ZHX3: variants seen among roughly 807,000 people sequenced by gnomAD.
ZHX3 encodes the protein zinc fingers and homeoboxes 3.
A neutral mutation model predicts 64.5 loss-of-function variants in ZHX3; 20 were observed. That is an observed-to-expected ratio of 0.31 (90% CI 0.22 to 0.45). The LOEUF is 0.45. ZHX3 is among the 20% of genes least tolerant of loss of function. The pLI, the probability that ZHX3 is intolerant of heterozygous loss-of-function variation, is 1.00. For missense variants in ZHX3, 1,041 were observed against 1,195.8 expected, an observed-to-expected ratio of 0.87 and a Z score of 1.91; for synonymous variants, 423 against 461.6, an observed-to-expected ratio of 0.92 and a Z score of 1.07.
intron 2 of ZHX3, among the ~76,000 whole-genome samples, chr20:41,210,495 C>T (rs897457412): frequency 1.3e-5 from 2 of 152,196 alleles, no homozygotes; most frequent in East Asian, 3.8e-4. Context: ...GGCACATATA[C>T]ACCATGGAAT....
intron 1 of ZHX3, among the ~76,000 whole-genome samples, chr20:41,307,164 C>T (rs1386229074): frequency 1.3e-5 from 2 of 152,170 alleles, no homozygotes; most frequent in East Asian, 1.9e-4. Flanking sequence ...GCTTCACAGG[C>T]TTTCTGTAAA....
chr20:41,224,306 T>C lies in ZHX3; in HGVS notation c.-150-19240A>G, dbSNP rs1430485020. 6.6e-6 allele frequency among the ~76,000 whole-genome samples: 1 copy of C among 152,238 alleles called. No homozygotes were observed. The highest frequency in any genetic ancestry group is 2.4e-5 in the African/African-American group (1 of 41,470). ...GTCTTTTGGACATAAATCAACTCTT[T>C]TTACTACATGACGCATCAACTCTCT... On this transcript the variant is annotated intron_variant, in intron 2 of 3. Transcript: ENST00000683867. The surrounding 1 kb of genome is among the most constrained non-coding windows in gnomAD (Gnocchi z 5.2).
intron 1 of ZHX3, among the ~76,000 whole-genome samples, chr20:41,308,361 G>A (rs1184671449): frequency 6.6e-6 from 1 of 152,146 alleles, no homozygotes. Context: ...GAAGGATGTG[G>A]TAGGTGACTG....
chr20:41,305,797 A>G (rs538448251), intron 1 of ZHX3, among the ~76,000 whole-genome samples: 2 of 151,868 alleles, frequency 1.3e-5, no homozygotes, highest in East Asian at 3.9e-4. Context: ...AAAAATATAA[A>G]TAAATAAATA....
chr20:41,202,277 C>A lies in ZHX3; in HGVS notation c.2640G>T (p.Lys880Asn), dbSNP rs758844367. 3.7e-6 allele frequency: 6 copies of A among 1,614,178 alleles called. No homozygotes were observed. In the East Asian group the frequency reaches 1.3e-4, roughly 36 times the overall value. Reference sequence around the variant, plus strand: ...CCCCCATTTTCTCAGCAAACCACTGCTTGACCTGCTGGGAGCTCATCTGGG... The same window carrying A: ...CCCCCATTTTCTCAGCAAACCACTGATTGACCTGCTGGGAGCTCATCTGGG... ...DKTQMSSQQV[K>N]QWFAEKMGEE... The change falls in exon 3 of 4, where the codon AAG becomes AAT. Residue 880 changes from lysine to asparagine, a missense_variant. Coordinates refer to ENST00000683867, the MANE Select transcript of ZHX3 (RefSeq NM_001384317.1). The surrounding 1 kb of genome is among the most constrained non-coding windows in gnomAD (Gnocchi z 7.0).
intron 2 of ZHX3, among the ~76,000 whole-genome samples, chr20:41,206,035 G>C (rs28595139): frequency 0.051 from 7,801 of 152,210 alleles, 663 homozygotes; most frequent in African/African-American, 0.18. Flanking sequence ...AGGCAAACAG[G>C]GTCTGGAGTG....
chr20:41,270,683 A>G (rs1211229593), intron 1 of ZHX3, among the ~76,000 whole-genome samples: 1 of 152,032 alleles, frequency 6.6e-6, no homozygotes, highest in East Asian at 1.9e-4. Context: ...CTCAGAAAAA[A>G]AAAAAAAAAG....
intron 2 of ZHX3, among the ~76,000 whole-genome samples, chr20:41,229,001 C>A (rs571392723): frequency 1.6e-3 from 239 of 152,258 alleles, no homozygotes; most frequent in Non-Finnish European, 1.4e-3. Flanking sequence ...CAACCATCAT[C>A]ACCATCTGCC....
At chr20:41,254,120 A>G (rs923936731) in intron 2 of ZHX3, among the ~76,000 whole-genome samples, 2 of 152,122 alleles carry the variant, frequency 1.3e-5, no homozygotes, top group Non-Finnish European at 2.9e-5. Context: ...CCCTGTCTCT[A>G]CTGGAAGGAG....
rs1196624981 is a variant in ZHX3, at chr20:41,202,883, A to C, written c.2034T>G (p.Asn678Lys). ...CAGCCTCCTCTTCCTCCTGAGAGGCATTCTCCTCAGCCTTCTTGGTCTCCT... is the reference window on the plus strand; with the variant it reads ...CAGCCTCCTCTTCCTCCTGAGAGGCCTTCTCCTCAGCCTTCTTGGTCTCCT... ...NAEETKKAEE[N>K]ASQEEEEAAE... The change falls in exon 3 of 4, where the codon AAT (asparagine) becomes AAG (lysine). Residue 678 changes from asparagine (N) to lysine (K), a missense_variant. Transcript: ENST00000683867. The surrounding 1 kb of genome is among the most constrained non-coding windows in gnomAD (Gnocchi z 7.0). The C allele has an allele frequency of 2.5e-6, 4 of 1,614,052 alleles. No homozygotes were observed. The highest frequency in any genetic ancestry group is 3.4e-6 in the Non-Finnish European group (4 of 1,180,014).
intron 1 of ZHX3, among the ~76,000 whole-genome samples, chr20:41,308,198 T>C (rs1473474467): frequency 6.6e-6 from 1 of 152,218 alleles, no homozygotes; most frequent in Non-Finnish European, 1.5e-5. Flanking sequence ...TTTTTTTCTC[T>C]AAAATGGAAT....
At chr20:41,196,793 A>T (rs1464742735) in intron 3 of ZHX3, 2 of 173,190 alleles carry the variant, frequency 1.2e-5, no homozygotes, top group East Asian at 2.7e-4. Context: ...CCAAGAAAAA[A>T]AAAAAAAAGA....
At position 41,219,612 on chromosome 20, in the gene ZHX3, G is replaced by C. The variant is rs1437807927; in HGVS notation, c.-150-14546C>G. Among the ~76,000 whole-genome samples the C allele has an allele frequency of 6.6e-6, 1 of 152,180 alleles. No individual in the cohort carries two copies. The highest frequency in any genetic ancestry group is 1.5e-5 in the Non-Finnish European group (1 of 68,036). On this transcript the variant is annotated intron_variant, in intron 2 of 3. Transcript: ENST00000683867. This position sits in a 1 kb window ranked among gnomAD's most constrained non-coding sequence, Gnocchi z 5.0. Reference sequence around the variant, plus strand: ...GTTTTTTCTCTCAAATAGAGTTGAGGACTTACTATGTGCTAGGCACTGGGT... The same window carrying C: ...GTTTTTTCTCTCAAATAGAGTTGAGCACTTACTATGTGCTAGGCACTGGGT...
At chr20:41,282,420 G>A (rs565064187) in intron 1 of ZHX3, among the ~76,000 whole-genome samples, 3 of 131,464 alleles carry the variant, frequency 2.3e-5, no homozygotes, top group South Asian at 2.5e-4. Context: ...GAACAGCGGC[G>A]CTATCTTGGC....
intron 2 of ZHX3, among the ~76,000 whole-genome samples, chr20:41,265,597 T>A (rs1008194436): frequency 6.6e-5 from 10 of 152,172 alleles, no homozygotes; most frequent in African/African-American, 2.4e-4. Flanking sequence ...AAATTCATTG[T>A]GCAGCTTTTT....
chr20:41,255,224 T>A (rs2042186889), intron 2 of ZHX3, among the ~76,000 whole-genome samples: 1 of 152,096 alleles, frequency 6.6e-6, no homozygotes, highest in Non-Finnish European at 1.5e-5. Context: ...CCATCTCGGC[T>A]CACTGCAAGC....
intron 2 of ZHX3, among the ~76,000 whole-genome samples, chr20:41,266,073 T>A (rs1294055142): frequency 6.6e-6 from 1 of 152,224 alleles, no homozygotes; most frequent in Non-Finnish European, 1.5e-5. Flanking sequence ...ACTCTAGGAT[T>A]ACCTGCATAC....
chr20:41,316,909 C>T (rs1169886285), intron 1 of ZHX3: 1 of 152,274 alleles, frequency 6.6e-6, no homozygotes, highest in Non-Finnish European at 1.5e-5. Context: ...GTAGTGTTTT[C>T]GCGTGGGCAG....
Position 41,235,221 on chromosome 20 carries a change from A to C in ZHX3, c.-150-30155T>G, listed in dbSNP as rs183819585. On this transcript the variant is annotated intron_variant, in intron 2 of 3. Transcript: ENST00000683867. ...AACAACAAAACAAACAAACAAAAAA[A>C]CCGGCTGTGTATAGCTAAAAAACAT... 6.5e-3 allele frequency among the ~76,000 whole-genome samples: 995 copies of C among 152,286 alleles called. 5 individuals carry two copies. The highest frequency in any genetic ancestry group is 0.011 in the Non-Finnish European group (740 of 68,010).
Sources: gnomAD v4.1 joint callset for allele counts (sites outside exome capture counted in the v4.1 genomes callset) on GRCh38, gnomAD v4.1.1 for gene constraint, Gnocchi (gnomAD v3.1) non-coding constraint, MANE v1.5 for transcripts, NCBI Gene and HGNC (gene_info 2026-07-23, HGNC 2026-07-21) for gene names.